The following DCHS2 variants were observed in gnomAD, a reference collection of about 807,000 sequenced individuals.
The protein encoded by DCHS2 is dachsous cadherin-related 2.
A neutral mutation model predicts 182.4 loss-of-function variants in DCHS2; 142 were observed. The ratio of observed to expected loss-of-function variants is 0.78; its 90% CI spans 0.68 to 0.89. The LOEUF (loss-of-function observed/expected upper bound fraction) is 0.89, where lower values mean the gene tolerates loss of function less well. DCHS2 is among the 40% of genes least tolerant of loss of function. The pLI is 0.00. For missense variants in DCHS2, 4,319 were observed against 4,198.6 expected (o/e 1.03, Z -0.79); for synonymous variants, 1,740 against 1,663.3 (o/e 1.05, Z -1.12).
At chr4:154,454,436 G>T (rs1479093236) in intron 1 of DCHS2, among the ~76,000 whole-genome samples, 2 of 152,000 alleles carry the variant, frequency 1.3e-5, no homozygotes, top group Admixed American at 6.6e-5. Flanking sequence ...TAGAGATGGG[G>T]TCTCACCATG....
intron 16 of DCHS2, among the ~76,000 whole-genome samples, chr4:154,254,817 A>C (rs1184605800): frequency 6.6e-6 from 1 of 152,146 alleles, no homozygotes; most frequent in Non-Finnish European, 1.5e-5. Context: ...AGTCTGGGCG[A>C]CAGAATAAGA....
At position 154,476,840 on chromosome 4, in the gene DCHS2, G is replaced by A. The variant is rs112048007; in HGVS notation, c.2052+12464C>T. On this transcript the variant is annotated intron_variant, in intron 1 of 19. Transcript: ENST00000357232. The stretch of plus-strand genomic sequence containing the variant: ...GATAAGAGATATTATCTTTACTATT[G>A]CATAATGCATATTATCTTTAGGTGT... 2.0e-4 allele frequency among the ~76,000 whole-genome samples: 30 copies of A among 152,240 alleles called. 1 individual carries two copies. Among genetic ancestry groups the A allele is most frequent in the East Asian group, 1.3e-3 (7 of 5,188 alleles).
chr4:154,321,148 C>A lies in DCHS2; in HGVS notation c.4251G>T (p.Lys1417Asn). 1.3e-6 allele frequency: 2 copies of A among 1,592,304 alleles called. No homozygotes were observed. The highest frequency in any genetic ancestry group is 1.7e-6 in the Non-Finnish European group (2 of 1,166,602). ...IRHLIIPENL[K>N]PTKIMSLIKS... ...TTATCAAGCTCATTATTTTTGTGGG[C>A]TTCAAATTTTCTGGTATAATTAAAT... Residue 1417 changes from lysine to asparagine, a missense_variant, in exon 9 of 20, where the codon AAG (lysine) becomes AAT (asparagine). Lys to Asn is a moderately conservative substitution (Grantham distance 94). Transcript: ENST00000357232.
chr4:154,329,444 C>G (rs1736421281), intron 6 of DCHS2, 79 bp downstream of exon 6: 3 of 1,385,494 alleles, frequency 2.2e-6, no homozygotes, highest in Non-Finnish European at 3.0e-6. Flanking sequence ...GTGATAAATT[C>G]ACAGGTTTTA....
At position 154,491,255 on chromosome 4, in the gene DCHS2, C is replaced by T. The variant is rs1176119776; in HGVS notation, c.101G>A (p.Gly34Glu). ...LLPGRRDTPH[G>E]RSGSSGARTQ... ...CCTGGCGCCGCTGCTGCCTGACCGCCCATGGGGTGTATCTCTCCTCCCGGG... is the reference window on the plus strand; with the variant it reads ...CCTGGCGCCGCTGCTGCCTGACCGCTCATGGGGTGTATCTCTCCTCCCGGG... Residue 34 changes from glycine to glutamate, a missense_variant, in exon 1 of 20, where the codon GGG (glycine) becomes GAG (glutamate). Gly to Glu is a moderately conservative substitution (Grantham distance 98). Coordinates refer to ENST00000357232, the MANE Select transcript of DCHS2 (RefSeq NM_001358235.2). 6 of 1,551,220 alleles carry T rather than the reference C, an allele frequency of 3.9e-6. No individual in the cohort carries two copies. Among genetic ancestry groups the T allele is most frequent in the African/African-American group, 1.4e-5 (1 of 73,030 alleles).
chr4:154,418,604 G>T (rs768132112), intron 1 of DCHS2, among the ~76,000 whole-genome samples: 1 of 152,074 alleles, frequency 6.6e-6, no homozygotes, highest in Admixed American at 6.5e-5. Flanking sequence ...AATGCCAGTT[G>T]TTCTCCCCTT....
At chr4:154,260,202 C>T (rs559107305) in intron 14 of DCHS2, among the ~76,000 whole-genome samples, 11 of 152,268 alleles carry the variant, frequency 7.2e-5, no homozygotes, top group South Asian at 6.2e-4. Flanking sequence ...CTCCCATTGC[C>T]GGGCCTCCTT....
chr4:154,461,963 G>A (rs1446920877), intron 1 of DCHS2, among the ~76,000 whole-genome samples: 1 of 152,134 alleles, frequency 6.6e-6, no homozygotes, highest in African/African-American at 2.4e-5. Context: ...CCCTGCACTT[G>A]ATGTTAAACT....
Position 154,235,534 on chromosome 4 carries a change from A to G in DCHS2, c.9118T>C (p.Leu3040=). The G allele has an allele frequency of 6.2e-7, 1 of 1,614,096 alleles. No homozygotes were observed. Among genetic ancestry groups the G allele is most frequent in the Non-Finnish European group, 8.5e-7 (1 of 1,179,976 alleles). ...EKKTSSLDAD[L]RVTRDASVLK... is the part of the protein sequence containing the mutation. ...ACACTGGCATCCCGGGTCACTCTCA[A>G]GTCCGCATCTAAAGATGAGGTTTTC... The change falls in exon 20 of 20, where the codon TTG becomes CTG. Residue 3040 remains leucine (L), a synonymous_variant. Transcript: ENST00000357232.
chr4:154,384,381 A>G (rs1731307483), intron 1 of DCHS2: 5 of 1,612,210 alleles, frequency 3.1e-6, no homozygotes, highest in Non-Finnish European at 4.2e-6. Context: ...AGTTTCCTTC[A>G]CTGGTTTTGC....
intron 15 of DCHS2, among the ~76,000 whole-genome samples, chr4:154,256,758 G>A (rs868085239): frequency 1.3e-5 from 2 of 152,092 alleles, no homozygotes; most frequent in East Asian, 3.9e-4. Flanking sequence ...ACTGATGAAT[G>A]TCCTAGTGGG....
In DCHS2 at chr4:154,351,324, G is replaced by C. The variant is rs573291576; in HGVS notation, c.2476+14886C>G. ...GAGTTGTGTGGGCAAATTTGGAGGG[G>C]GTTGTAGTCTAGAAAGCATATTCAA... On this transcript the variant is annotated intron_variant, in intron 3 of 19. Coordinates refer to ENST00000357232, the MANE Select transcript of DCHS2 (RefSeq NM_001358235.2). 3.4e-4 allele frequency among the ~76,000 whole-genome samples: 52 copies of C among 152,158 alleles called. 1 individual carries two copies. The South Asian group carries it at 0.01, about 30-fold the overall frequency.
chr4:154,276,216 C>T (rs936346959), intron 13 of DCHS2, among the ~76,000 whole-genome samples: 5 of 152,072 alleles, frequency 3.3e-5, no homozygotes, highest in African/African-American at 1.2e-4. Flanking sequence ...ACCTGCAACT[C>T]GAATGAGTTA....
intron 1 of DCHS2, among the ~76,000 whole-genome samples, chr4:154,464,301 G>A (rs1735147232): frequency 6.6e-6 from 1 of 152,158 alleles, no homozygotes; most frequent in Non-Finnish European, 1.5e-5. Flanking sequence ...TTCTCTGAGA[G>A]AAATGAATGT....
chr4:154,364,848 A>G (rs1044293407), intron 3 of DCHS2, among the ~76,000 whole-genome samples: 1 of 152,236 alleles, frequency 6.6e-6, no homozygotes, highest in Non-Finnish European at 1.5e-5. Context: ...CATTACCATT[A>G]CAATAGAAAC....
At chr4:154,473,280 A>G (rs570964955) in intron 1 of DCHS2, among the ~76,000 whole-genome samples, 4 of 152,342 alleles carry the variant, frequency 2.6e-5, no homozygotes, top group Admixed American at 6.5e-5. Context: ...TCTGATTCCC[A>G]GAGTTGGGGA....
chr4:154,284,173 C>G (rs1734283457), intron 13 of DCHS2, among the ~76,000 whole-genome samples: 1 of 152,186 alleles, frequency 6.6e-6, no homozygotes, highest in Non-Finnish European at 1.5e-5. Flanking sequence ...ATTGTTGCAG[C>G]AGCTCTTCAT....
intron 1 of DCHS2, among the ~76,000 whole-genome samples, chr4:154,390,221 C>T (rs1207079497): frequency 2.0e-5 from 3 of 149,376 alleles, no homozygotes; most frequent in Non-Finnish European, 4.4e-5. Context: ...CCCACTAACT[C>T]GTCATCTAGC....
In DCHS2 at chr4:154,335,019, G is replaced by A. The variant is rs780974336; in HGVS notation, c.2562C>T (p.Leu854=). ...TGACATCGGCATTAATGACAGCTGT[G>A]AGCCCACCACCGTCTTGAGCAGAGA... ...LMVSAQDGGG[L]TAVINADVTI... is the part of the protein sequence containing the mutation. The change falls in exon 4 of 20, where the codon CTC becomes CTT. Residue 854 remains leucine (L), a synonymous_variant. Coordinates refer to ENST00000357232, the MANE Select transcript of DCHS2 (RefSeq NM_001358235.2). 3.7e-6 allele frequency: 6 copies of A among 1,613,978 alleles called. No homozygotes were observed. In the Admixed American group the frequency reaches 5.0e-5, roughly 13 times the overall value.
Sources: allele counts gnomAD v4.1 joint callset (sites outside exome capture counted in the v4.1 genomes callset), GRCh38; gene constraint gnomAD v4.1.1; transcripts MANE v1.5; gene names NCBI Gene and HGNC (gene_info 2026-07-23, HGNC 2026-07-21).